Variants in CACNA1C observed in about 807,000 individuals in gnomAD.
CACNA1C encodes the protein calcium voltage-gated channel subunit alpha1 C.
A neutral mutation model predicts 229.0 loss-of-function variants in CACNA1C; 30 were observed. That is an observed-to-expected ratio of 0.13 (90% confidence interval 0.10 to 0.18). The LOEUF (loss-of-function observed/expected upper bound fraction) is 0.18. Among genes scored for constraint, CACNA1C ranks in the 10% least tolerant of loss-of-function variants. The pLI, the probability that CACNA1C is intolerant of heterozygous loss-of-function variation, is 1.00. For synonymous variants in CACNA1C, 1,114 were observed against 1,132.5 expected, an observed-to-expected ratio of 0.98 and a Z score of 0.33; for missense variants, 1,658 against 2,845.0, an observed-to-expected ratio of 0.58 and a Z score of 9.49.
At chr12:2,627,660 G>A (rs1402438888) in intron 29 of CACNA1C, among the ~76,000 whole-genome samples, 3 of 152,082 alleles carry the variant, frequency 2.0e-5, no homozygotes, top group South Asian at 2.1e-4. Context: ...CCCTAGGTCC[G>A]GTGAAGCCAT....
At chr12:2,060,538 T>C (rs2057082578) in intron 1 of CACNA1C, among the ~76,000 whole-genome samples, 1 of 152,198 alleles carries the variant, frequency 6.6e-6, no homozygotes, top group Non-Finnish European at 1.5e-5. Flanking sequence ...ACTTGTTTCA[T>C]ACTCTTTCAA....
chr12:2,480,277 C>T (rs971668915), intron 5 of CACNA1C, among the ~76,000 whole-genome samples: 29 of 152,160 alleles, frequency 1.9e-4, no homozygotes, highest in African/African-American at 6.5e-4. Context: ...AGCCCTGGCG[C>T]CGGGACCCTC....
rs563315606 is a variant in CACNA1C at position 2,115,327 on chromosome 12, G to A, written c.153G>A (p.Ser51=). The change falls in exon 2 of 47, where the codon TCG becomes TCA. Residue 51 remains serine (S), a synonymous_variant. Transcript: ENST00000399655. ...EHIPTPGAAL[S]WQAAIDAARQ... ...TCCCCACCCCGGGGGCTGCCCTGTC[G>A]TGGCAGGCGGCCATCGACGCAGCCC... 3.0e-5 allele frequency: 47 copies of A among 1,585,278 alleles called. No homozygotes were observed. The Middle Eastern group carries it at 5.0e-4, about 17-fold the overall frequency.
intron 4 of CACNA1C, among the ~76,000 whole-genome samples, chr12:2,451,155 G>A (rs1056037671): frequency 9.2e-5 from 14 of 152,162 alleles, no homozygotes; most frequent in Non-Finnish European, 1.6e-4. Flanking sequence ...CATAGCACTC[G>A]GGGTGTGCAT....
chr12:2,140,336 ACTTTTGGTTTGGTGT>A (rs2094027820), intron 3 of CACNA1C, among the ~76,000 whole-genome samples: 1 of 151,426 alleles, frequency 6.6e-6, no homozygotes, highest in African/African-American at 2.4e-5. Flanking sequence ...CCTCCCAGTC[ACTTTTGGTTTGGTGT>A]CTGTTCTTAA....
chr12:1,972,531 A>C (rs1476645053), intron 1 of CACNA1C, among the ~76,000 whole-genome samples: 2 of 152,230 alleles, frequency 1.3e-5, no homozygotes, highest in Non-Finnish European at 2.9e-5. Context: ...GCCAGAAGTC[A>C]GGTAAGAAGC....
intron 2 of CACNA1C, among the ~76,000 whole-genome samples, chr12:2,119,893 G>A (rs2239131): frequency 0.69 from 104,722 of 152,276 alleles, 36,254 homozygotes; most frequent in East Asian, 0.73. Context: ...TCTCTGTCTT[G>A]GAATCCTGTT....
intron 1 of CACNA1C, among the ~76,000 whole-genome samples, chr12:2,098,516 T>A (rs1295284386): frequency 2.0e-5 from 3 of 152,176 alleles, no homozygotes; most frequent in Non-Finnish European, 4.4e-5. Flanking sequence ...CCCCATACAG[T>A]GCGATCCCCT....
At chr12:2,062,149 T>G (rs1221739274) in intron 1 of CACNA1C, among the ~76,000 whole-genome samples, 1 of 152,200 alleles carries the variant, frequency 6.6e-6, no homozygotes, top group Admixed American at 6.5e-5. Flanking sequence ...TTAATTTTTC[T>G]CTAAAGAAAA....
intron 5 of CACNA1C, among the ~76,000 whole-genome samples, chr12:2,466,381 C>T (rs1042768339): frequency 1.3e-5 from 2 of 152,174 alleles, no homozygotes; most frequent in Non-Finnish European, 2.9e-5. Flanking sequence ...GCAAACAGCT[C>T]CTGAACCTCG....
In CACNA1C at chr12:2,691,832, A is replaced by C. The variant is rs927717107; in HGVS notation, c.*633A>C. 1 of 78,560 alleles carries C rather than the reference A, an allele frequency of 1.3e-5. No individual in the cohort carries two copies. Among genetic ancestry groups the C allele is most frequent in the Non-Finnish European group, 2.7e-5 (1 of 37,052 alleles). The allele number at this position is 78,560 out of a possible 1,614,324, so 4.9% of individuals were successfully genotyped here. A position where few individuals can be genotyped will look rare whatever the true frequency, so the allele number is the denominator to read the frequency against. On this transcript the variant is annotated 3_prime_UTR_variant, in exon 47 of 47. Transcript: ENST00000399655. ...CCCGGCCAGCCGCCGGCCCGCAGGCAGCGCGAGGGAGGAGCTGCGCCGCCG... is the reference window on the plus strand; with the variant it reads ...CCCGGCCAGCCGCCGGCCCGCAGGCCGCGCGAGGGAGGAGCTGCGCCGCCG...
At chr12:2,426,215 T>G (rs983687158) in intron 3 of CACNA1C, among the ~76,000 whole-genome samples, 5 of 152,118 alleles carry the variant, frequency 3.3e-5, no homozygotes, top group Non-Finnish European at 7.4e-5. Flanking sequence ...GGTTAAAAAC[T>G]GGGGGGTCTA....
chr12:2,600,222 AG>A (rs1255064102), intron 21 of CACNA1C, among the ~76,000 whole-genome samples: 1 of 152,202 alleles, frequency 6.6e-6, no homozygotes, highest in Non-Finnish European at 1.5e-5. Flanking sequence ...ACCAAGAGGC[AG>A]GGAGGCAAGG....
intron 3 of CACNA1C, among the ~76,000 whole-genome samples, chr12:2,183,576 A>ACC (rs113414207): frequency 0.035 from 5,204 of 147,336 alleles, 313 homozygotes; most frequent in African/African-American, 0.12. Context: ...CTGGGGACAG[A>ACC]CCCCCCCCCG....
Position 2,354,650 on chromosome 12 carries a change from A to C in CACNA1C, c.478-94326A>C, listed in dbSNP as rs963569670. Among the ~76,000 whole-genome samples, 1 of 152,160 alleles carries C rather than the reference A, an allele frequency of 6.6e-6. No individual in the cohort carries two copies. Among genetic ancestry groups the C allele is most frequent in the Non-Finnish European group, 1.5e-5 (1 of 68,020 alleles). ...GAGTCCATCCTTTCTCCTGGCCTCC[A>C]GGGAGAGCCCAGACACTCCTGACCA... On this transcript the variant is annotated intron_variant, in intron 3 of 46. Transcript: ENST00000399655. This position sits in a 1 kb window ranked among gnomAD's most constrained non-coding sequence, Gnocchi z 4.6.
chr12:2,518,327 G>T (rs1005890791), intron 9 of CACNA1C, among the ~76,000 whole-genome samples: 3 of 152,168 alleles, frequency 2.0e-5, no homozygotes, highest in African/African-American at 7.2e-5. Context: ...AAAAAATCAG[G>T]GCCGGGCGTG....
intron 11 of CACNA1C, among the ~76,000 whole-genome samples, chr12:2,564,261 A>G (rs2154593122): frequency 6.6e-6 from 1 of 152,268 alleles, no homozygotes; most frequent in East Asian, 1.9e-4. Context: ...CTATTCCTTT[A>G]TTCAGTGCCA....
At chr12:2,031,993 TTG>T (rs60474439) in intron 1 of CACNA1C, among the ~76,000 whole-genome samples, 68,107 of 150,932 alleles carry the variant, frequency 0.45, 17,172 homozygotes, top group East Asian at 0.74. Context: ...GTGAGTGTGT[TTG>T]TGTGTGTGTG....
At chr12:2,571,148 C>G (rs2054186640) in intron 13 of CACNA1C, among the ~76,000 whole-genome samples, 1 of 152,222 alleles carries the variant, frequency 6.6e-6, no homozygotes, top group Non-Finnish European at 1.5e-5. Flanking sequence ...AGATGAGAGA[C>G]TGAGGCTTAG....
Sources: gnomAD v4.1 joint callset for allele counts (sites outside exome capture counted in the v4.1 genomes callset) on GRCh38, gnomAD v4.1.1 for gene constraint, Gnocchi (gnomAD v3.1) non-coding constraint, MANE v1.5 for transcripts, NCBI Gene and HGNC (gene_info 2026-07-23, HGNC 2026-07-21) for gene names.